ENPP6: variants seen among roughly 807,000 people sequenced by gnomAD.
ENPP6 encodes the protein glycerophosphocholine cholinephosphodiesterase ENPP6.
Under a neutral mutation model 42.0 loss-of-function variants are expected in ENPP6, and 32 were observed. The observed-to-expected ratio is 0.76, with a 90% CI of 0.58 to 1.02. The LOEUF (loss-of-function observed/expected upper bound fraction) is 1.02. Among genes scored for constraint, ENPP6 ranks in the 50% least tolerant of loss-of-function variants. ENPP6 has a pLI of 0.00. For missense variants in ENPP6, 552 were observed against 566.8 expected, an observed-to-expected ratio of 0.97 and a Z score of 0.27; for synonymous variants, 213 against 216.0, an observed-to-expected ratio of 0.99 and a Z score of 0.12.
At chr4:184,210,800 CACA>C (rs2111124646) in intron 1 of ENPP6, among the ~76,000 whole-genome samples, 1 of 152,232 alleles carries the variant, frequency 6.6e-6, no homozygotes, top group Admixed American at 6.5e-5. Context: ...TTCAGCACCA[CACA>C]ACACCTATTC....
chr4:184,131,325 CTCTTTCTTCTTTCTTTCTTTCTTT>C (rs1360275946), intron 2 of ENPP6, among the ~76,000 whole-genome samples: 1 of 115,330 alleles, frequency 8.7e-6, no homozygotes, highest in African/African-American at 2.8e-5. Flanking sequence ...TCTCCTCTCT[CTCTTTCTTCTTTCTTTCTTTCTTT>C]TCTTTCTTCT....
intron 6 of ENPP6, among the ~76,000 whole-genome samples, chr4:184,102,300 G>A (rs12500623): frequency 0.37 from 56,395 of 152,016 alleles, 11,518 homozygotes; most frequent in East Asian, 0.63. Flanking sequence ...TGGGAGTGAA[G>A]GTGCAGGCAG....
At chr4:184,163,865 C>T (rs965678419) in intron 1 of ENPP6, among the ~76,000 whole-genome samples, 4 of 152,200 alleles carry the variant, frequency 2.6e-5, no homozygotes, top group Admixed American at 6.5e-5. Context: ...TTAGTCAAAA[C>T]GTGGGGATAT....
chr4:184,103,716 T>C (rs911927676), intron 6 of ENPP6, among the ~76,000 whole-genome samples: 6 of 152,260 alleles, frequency 3.9e-5, no homozygotes, highest in Non-Finnish European at 8.8e-5. Flanking sequence ...AGCAGGACTC[T>C]TTGGAGCCCG....
intron 2 of ENPP6, among the ~76,000 whole-genome samples, chr4:184,142,429 G>A (rs1267206351): frequency 6.6e-6 from 1 of 152,236 alleles, no homozygotes; most frequent in Non-Finnish European, 1.5e-5. Context: ...AGAAGCTTGT[G>A]GGAACAAGTC....
At chr4:184,103,886 T>C (rs1225132907) in intron 6 of ENPP6, among the ~76,000 whole-genome samples, 1 of 152,200 alleles carries the variant, frequency 6.6e-6, no homozygotes, top group Non-Finnish European at 1.5e-5. Context: ...GGCCACACAC[T>C]GCTTGATCCT....
At chr4:184,189,274 A>C (rs1250913031) in intron 1 of ENPP6, among the ~76,000 whole-genome samples, 4 of 152,196 alleles carry the variant, frequency 2.6e-5, no homozygotes, top group African/African-American at 9.7e-5. Context: ...TGTCCATTAG[A>C]TAGTTCCCAA....
intron 6 of ENPP6, among the ~76,000 whole-genome samples, chr4:184,099,557 G>A (rs1735965981): frequency 6.6e-6 from 1 of 152,210 alleles, no homozygotes; most frequent in Non-Finnish European, 1.5e-5. Context: ...ATGCAGCCGG[G>A]CAGTGTGGGT....
chr4:184,204,735 GAC>G lies in ENPP6; in HGVS notation c.241+12842_241+12843del, dbSNP rs567305370. 7.9e-5 allele frequency among the ~76,000 whole-genome samples: 12 copies of G among 152,228 alleles called. No individual in the cohort carries two copies. In the East Asian group the frequency reaches 2.3e-3, roughly 29 times the overall value. On this transcript the variant is annotated intron_variant, in intron 1 of 7. Coordinates refer to ENST00000296741, the MANE Select transcript of ENPP6 (RefSeq NM_153343.4). ...ATCAAAATTTAAAACAAAACTGAAA[GAC>G]ACATTTTGAGATATGTAAGATTACT...
chr4:184,113,919 CTTTCTTTCTT>C, intron 5 of ENPP6, among the ~76,000 whole-genome samples: 1 of 131,968 alleles, frequency 7.6e-6, no homozygotes, highest in Non-Finnish European at 1.6e-5. Context: ...TTCTTTCTTT[CTTTCTTTCTT>C]TCTTTCTTTC....
chr4:184,123,130 G>A (rs1736445998), intron 3 of ENPP6, among the ~76,000 whole-genome samples: 1 of 152,204 alleles, frequency 6.6e-6, no homozygotes, highest in African/African-American at 2.4e-5. Flanking sequence ...CTAAGAAGCA[G>A]TGAAGGCAGG....
At chr4:184,192,420 C>T (rs1732723637) in intron 1 of ENPP6, among the ~76,000 whole-genome samples, 1 of 152,180 alleles carries the variant, frequency 6.6e-6, no homozygotes. Flanking sequence ...GGGACAACTA[C>T]CTCACACTGT....
intron 2 of ENPP6, among the ~76,000 whole-genome samples, chr4:184,131,968 A>T (rs7695036): frequency 5.9e-5 from 9 of 151,282 alleles, no homozygotes; most frequent in African/African-American, 1.5e-4. Flanking sequence ...GTCCTAATTC[A>T]GTCTGAAGGC....
chr4:184,097,554 T>C (rs1429429003), intron 6 of ENPP6, among the ~76,000 whole-genome samples, 186 bp from the exon 7 acceptor site: 1 of 152,176 alleles, frequency 6.6e-6, no homozygotes, highest in Admixed American at 6.5e-5. Context: ...CAGCAGCCTA[T>C]TCGATTGCTA....
intron 2 of ENPP6, among the ~76,000 whole-genome samples, chr4:184,125,162 G>A (rs904403105): frequency 3.3e-5 from 5 of 152,182 alleles, no homozygotes; most frequent in African/African-American, 1.2e-4. Context: ...CTAAAGGGAG[G>A]TGCATGCTTC....
intron 1 of ENPP6, among the ~76,000 whole-genome samples, chr4:184,209,273 C>A (rs1432467607): frequency 4.0e-5 from 6 of 149,570 alleles, no homozygotes; most frequent in Admixed American, 1.3e-4. Flanking sequence ...AGGCTTCAGA[C>A]GATCAAATTA....
chr4:184,141,116 C>T (rs1340364993), intron 2 of ENPP6, among the ~76,000 whole-genome samples: 2 of 152,136 alleles, frequency 1.3e-5, no homozygotes, highest in Non-Finnish European at 2.9e-5. Flanking sequence ...GACATTTAAC[C>T]GAGGTGAATT....
chr4:184,214,755 C>G (rs1194036408), intron 1 of ENPP6, among the ~76,000 whole-genome samples: 1 of 152,214 alleles, frequency 6.6e-6, no homozygotes, highest in Non-Finnish European at 1.5e-5. Flanking sequence ...ACCACATGTT[C>G]TCACTCATAA....
intron 3 of ENPP6, among the ~76,000 whole-genome samples, chr4:184,120,879 G>T (rs1213159987): frequency 2.0e-5 from 3 of 152,226 alleles, no homozygotes; most frequent in African/African-American, 7.2e-5. Context: ...AGCTGGCAGA[G>T]ATCAGGGTAG....
Sources: allele counts gnomAD v4.1 joint callset (sites outside exome capture counted in the v4.1 genomes callset), GRCh38; gene constraint gnomAD v4.1.1; transcripts MANE v1.5; gene names NCBI Gene and HGNC (gene_info 2026-07-23, HGNC 2026-07-21).